The following SGIP1 variants were observed in gnomAD, a reference collection of about 807,000 sequenced individuals.
The protein encoded by SGIP1 is SH3GL interacting endocytic adaptor 1.
In SGIP1, 38 loss-of-function variants were observed where a neutral mutation model predicts 107.5. That is an observed-to-expected ratio of 0.35 (90% confidence interval 0.27 to 0.46). The LOEUF (loss-of-function observed/expected upper bound fraction) is 0.46, where lower values mean the gene tolerates loss of function less well. Among genes scored for constraint, SGIP1 ranks in the 20% least tolerant of loss-of-function variants. The pLI, the probability that SGIP1 is intolerant of heterozygous loss-of-function variation, is 1.00. For synonymous variants in SGIP1, 365 were observed against 366.1 expected (o/e 1.00, Z 0.03); for missense variants, 929 against 1,019.5 (o/e 0.91, Z 1.21).
At chr1:66,584,384 A>C (rs565864064) in intron 1 of SGIP1, among the ~76,000 whole-genome samples, 1 of 152,120 alleles carries the variant, frequency 6.6e-6, no homozygotes. Flanking sequence ...TTAAGTTGGA[A>C]AGGACTTCAC....
intron 18 of SGIP1, among the ~76,000 whole-genome samples, chr1:66,715,480 G>A (rs554975491): frequency 1.3e-5 from 2 of 151,944 alleles, no homozygotes; most frequent in Non-Finnish European, 2.9e-5. Context: ...TTGGGGGGGC[G>A]TGGGGGAGGT....
chr1:66,706,252 C>T (rs529043195), intron 18 of SGIP1, among the ~76,000 whole-genome samples: 15 of 148,612 alleles, frequency 1.0e-4, no homozygotes, highest in African/African-American at 3.4e-4. Context: ...TCTTTATTAC[C>T]TTTATCTCAC....
At chr1:66,661,566 A>T (rs2081480137) in intron 8 of SGIP1, among the ~76,000 whole-genome samples, 2 of 152,222 alleles carry the variant, frequency 1.3e-5, no homozygotes, top group Non-Finnish European at 1.5e-5. Flanking sequence ...ATAGGCAGCT[A>T]CAATTACGAT....
At chr1:66,714,717 C>T (rs1384772337) in intron 18 of SGIP1, among the ~76,000 whole-genome samples, 1 of 152,086 alleles carries the variant, frequency 6.6e-6, no homozygotes, top group African/African-American at 2.4e-5. Context: ...TTGAGAGAAC[C>T]TTAACACCTA....
chr1:66,685,806 A>G (rs2088066812), intron 15 of SGIP1, among the ~76,000 whole-genome samples: 1 of 152,200 alleles, frequency 6.6e-6, no homozygotes, highest in Non-Finnish European at 1.5e-5. Flanking sequence ...CAGTGGCTAT[A>G]TGTGGCTAGC....
chr1:66,660,550 T>TG (rs757350893), intron 8 of SGIP1, 26 bp downstream of exon 8: 289 of 1,597,434 alleles, frequency 1.8e-4, no homozygotes, highest in Non-Finnish European at 2.3e-4. Context: ...TTCCCGCTTT[T>TG]GGGGCAAACA....
At chr1:66,733,901 G>T (rs377616848) in intron 21 of SGIP1, 21 bp downstream of exon 21, 21 of 1,604,112 alleles carry the variant, frequency 1.3e-5, no homozygotes, top group Non-Finnish European at 1.7e-5. Context: ...TTACATGATC[G>T]GTATCTCTTC....
intron 24 of SGIP1, 114 bp from the exon 25 acceptor site, chr1:66,742,959 G>A: frequency 1.0e-6 from 1 of 996,280 alleles, no homozygotes; most frequent in South Asian, 1.4e-5. Flanking sequence ...TACCTCTGAA[G>A]TATGCAGTAT....
At chr1:66,727,292 A>G (rs2093799867) in intron 19 of SGIP1, among the ~76,000 whole-genome samples, 1 of 152,344 alleles carries the variant, frequency 6.6e-6, no homozygotes, top group Middle Eastern at 3.4e-3. Flanking sequence ...TGACAAGCAC[A>G]TAAAAGATGC....
At chr1:66,661,713 C>A (rs758044576) in intron 8 of SGIP1, among the ~76,000 whole-genome samples, 2 of 152,088 alleles carry the variant, frequency 1.3e-5, no homozygotes, top group Non-Finnish European at 2.9e-5. Context: ...TTCTTGTAGA[C>A]CCTGAATATT....
intron 1 of SGIP1, among the ~76,000 whole-genome samples, chr1:66,605,633 A>C (rs1376187131): frequency 6.6e-6 from 1 of 151,722 alleles, no homozygotes; most frequent in Non-Finnish European, 1.5e-5. Flanking sequence ...ACACAGCCCA[A>C]ACAATGACTC....
At position 66,660,510 on chromosome 1, in the gene SGIP1, T is replaced by A. The variant is rs1557508046; in HGVS notation, c.460-3T>A. On this transcript the variant is annotated splice_region_variant and splice_polypyrimidine_tract_variant and intron_variant, in intron 7 of 24. Coordinates refer to ENST00000371037, the MANE Select transcript of SGIP1 (RefSeq NM_032291.4). ...TTCTTCCTCCCCATGCCTACGCTTT[T>A]AGAGGAAAAGTCCGGTAAGAAATAA... is the stretch of plus-strand genomic sequence containing the variant. 6.2e-7 allele frequency: 1 copy of A among 1,610,738 alleles called. No homozygotes were observed. The highest frequency in any genetic ancestry group is 8.5e-7 in the Non-Finnish European group (1 of 1,177,010).
At chr1:66,613,566 G>C (rs2068514149) in intron 1 of SGIP1, among the ~76,000 whole-genome samples, 3 of 152,310 alleles carry the variant, frequency 2.0e-5, no homozygotes, top group South Asian at 2.1e-4. Context: ...ATGAGCTCAA[G>C]TGATGTGCCC....
intron 18 of SGIP1, among the ~76,000 whole-genome samples, chr1:66,715,277 A>T: frequency 6.6e-6 from 1 of 152,188 alleles, no homozygotes; most frequent in South Asian, 2.1e-4. Context: ...AAAGTAAAAC[A>T]CAAAATGGCA....
chr1:66,590,603 G>C (rs1453311545), intron 1 of SGIP1: 2 of 152,052 alleles, frequency 1.3e-5, no homozygotes, highest in South Asian at 4.1e-4. Context: ...GATGTCCTTA[G>C]TAGGTAAATG....
chr1:66,709,241 T>C (rs996807839), intron 18 of SGIP1, among the ~76,000 whole-genome samples: 5 of 148,886 alleles, frequency 3.4e-5, no homozygotes, highest in Admixed American at 3.3e-4. Flanking sequence ...CCATGTGTTC[T>C]CATTGGAGAA....
intron 1 of SGIP1, among the ~76,000 whole-genome samples, chr1:66,551,364 G>GGC (rs1272230002): frequency 4.6e-5 from 7 of 151,984 alleles, no homozygotes; most frequent in African/African-American, 1.7e-4. Context: ...CAATCTATTG[G>GGC]GCGCATCTCC....
chr1:66,672,781 G>A (rs962856993), intron 11 of SGIP1, among the ~76,000 whole-genome samples: 6 of 151,090 alleles, frequency 4.0e-5, no homozygotes, highest in Non-Finnish European at 5.9e-5. Context: ...GTATTAGGAG[G>A]TTACAACTAG....
intron 1 of SGIP1, among the ~76,000 whole-genome samples, chr1:66,601,672 C>G (rs1281277863): frequency 6.6e-6 from 1 of 151,458 alleles, no homozygotes; most frequent in Non-Finnish European, 1.5e-5. Context: ...TCCACTGGAC[C>G]CAGAATACAG....
Sources: gnomAD v4.1 joint callset for allele counts (sites outside exome capture counted in the v4.1 genomes callset) on GRCh38, gnomAD v4.1.1 for gene constraint, MANE v1.5 for transcripts, NCBI Gene and HGNC (gene_info 2026-07-23, HGNC 2026-07-21) for gene names.